Variants in PDE1C observed in about 807,000 individuals in gnomAD.
The protein encoded by PDE1C is phosphodiesterase 1C.
A neutral mutation model predicts 93.1 loss-of-function variants in PDE1C; 62 were observed. The ratio of observed to expected loss-of-function variants is 0.67; its 90% CI spans 0.54 to 0.82. The LOEUF (loss-of-function observed/expected upper bound fraction) is 0.82, where lower values mean the gene tolerates loss of function less well. PDE1C is among the 40% of genes least tolerant of loss of function. The pLI is 0.00. For missense variants in PDE1C, 742 were observed against 884.6 expected (o/e 0.84, Z 2.04); for synonymous variants, 325 against 310.1 (o/e 1.05, Z -0.50).
At position 32,256,695 on chromosome 7, in the gene PDE1C, G is replaced by T. The variant is rs532192882; in HGVS notation, c.85+41956C>A. ...AGTAGTGGGAGAATTACTGAATAGA[G>T]AGTAATGTGGCCTTGGGCAAGTCAC... is the stretch of plus-strand genomic sequence containing the variant. On this transcript the variant is annotated intron_variant, in intron 1 of 18. Coordinates refer to the PDE1C transcript ENST00000396193. 2.0e-5 allele frequency among the ~76,000 whole-genome samples: 3 copies of T among 152,316 alleles called. No individual in the cohort carries two copies. In the East Asian group the frequency reaches 5.8e-4, roughly 29 times the overall value.
At chr7:32,191,848 T>G (rs917378424) in intron 2 of PDE1C, among the ~76,000 whole-genome samples, 3 of 152,222 alleles carry the variant, frequency 2.0e-5, no homozygotes, top group Non-Finnish European at 4.4e-5. Flanking sequence ...TCAGTTTCTC[T>G]GCACCCTCAG....
chr7:31,739,597 G>A, the PDE1C span, among the ~76,000 whole-genome samples: 1 of 152,160 alleles, frequency 6.6e-6, no homozygotes, highest in African/African-American at 2.4e-5. Flanking sequence ...ATTTGTCCAA[G>A]GTCACACAGC....
intron 1 of PDE1C, among the ~76,000 whole-genome samples, chr7:32,310,200 A>C (rs1409241522): frequency 6.6e-6 from 1 of 151,944 alleles, no homozygotes; most frequent in Non-Finnish European, 1.5e-5. Flanking sequence ...AGAAGAGCTA[A>C]CTATCCTAAA....
At chr7:32,162,192 T>G (rs11978519) in intron 3 of PDE1C, among the ~76,000 whole-genome samples, 27,976 of 152,112 alleles carry the variant, frequency 0.18, 2,658 homozygotes, top group African/African-American at 0.23. Context: ...GCAATAAAAG[T>G]ACAAGATACT....
At chr7:32,357,597 G>A (rs767236185) in intron 1 of PDE1C, among the ~76,000 whole-genome samples, 11 of 152,172 alleles carry the variant, frequency 7.2e-5, no homozygotes, top group Non-Finnish European at 1.2e-4. Flanking sequence ...GGGCTAAACC[G>A]GGTGCCCAGC....
At chr7:32,344,687 AT>A (rs552629734) in intron 1 of PDE1C, among the ~76,000 whole-genome samples, 4 of 150,574 alleles carry the variant, frequency 2.7e-5, no homozygotes, top group South Asian at 2.1e-4. Context: ...AATCCCTGCT[AT>A]TTTTTTTTCC....
chr7:32,028,510 T>C (rs1438966181), intron 2 of PDE1C, among the ~76,000 whole-genome samples: 1 of 152,130 alleles, frequency 6.6e-6, no homozygotes, highest in African/African-American at 2.4e-5. Flanking sequence ...GTTATTATTA[T>C]TATTACTAAT....
intron 1 of PDE1C, among the ~76,000 whole-genome samples, chr7:32,237,083 CTTT>C (rs34122130): frequency 1.1e-4 from 14 of 121,908 alleles, no homozygotes; most frequent in Non-Finnish European, 1.7e-4. Context: ...ATGTAATATT[CTTT>C]TTTTTTTTTT....
intron 16 of PDE1C, among the ~76,000 whole-genome samples, chr7:31,800,168 T>C (rs1175993575): frequency 6.6e-6 from 1 of 151,606 alleles, no homozygotes; most frequent in Admixed American, 6.6e-5. Flanking sequence ...TGAATATCAG[T>C]TATTTAACAA....
chr7:31,675,766 A>T, the PDE1C span, among the ~76,000 whole-genome samples: 1 of 152,140 alleles, frequency 6.6e-6, no homozygotes, highest in South Asian at 2.1e-4. Flanking sequence ...TATAAAGAAA[A>T]GCTGTTGGAA....
At chr7:31,681,213 G>C in the PDE1C span, among the ~76,000 whole-genome samples, 449 of 152,310 alleles carry the variant, frequency 2.9e-3, 1 homozygote, top group Middle Eastern at 6.8e-3. Flanking sequence ...CATTCAGAAT[G>C]TGGCTGTACT....
At chr7:32,160,274 T>C (rs1193072171) in intron 3 of PDE1C, among the ~76,000 whole-genome samples, 2 of 152,186 alleles carry the variant, frequency 1.3e-5, no homozygotes, top group African/African-American at 4.8e-5. Context: ...GGTAAGTTCA[T>C]ATTTGACTTT....
chr7:32,385,228 C>G (rs980414193), intron 1 of PDE1C, among the ~76,000 whole-genome samples: 1 of 152,076 alleles, frequency 6.6e-6, no homozygotes, highest in Non-Finnish European at 1.5e-5. Context: ...TTTTGAGGCT[C>G]CTCTGAAATT....
chr7:31,753,661 C>A (rs890376878), intron 17 of PDE1C, 108 bp from the exon 18 acceptor site: 1 of 1,403,640 alleles, frequency 7.1e-7, no homozygotes, highest in Non-Finnish European at 9.4e-7. Flanking sequence ...TCCTCCAAGA[C>A]CAGGAAAGAA....
At chr7:32,097,676 G>A (rs145900235) in intron 3 of PDE1C, among the ~76,000 whole-genome samples, 7 of 152,254 alleles carry the variant, frequency 4.6e-5, no homozygotes, top group African/African-American at 1.7e-4. Context: ...CCTTGTTGGT[G>A]CATTTTAAAA....
chr7:31,993,254 T>G (rs552644399), intron 2 of PDE1C, among the ~76,000 whole-genome samples: 1 of 152,366 alleles, frequency 6.6e-6, no homozygotes, highest in South Asian at 2.1e-4. Flanking sequence ...TCATTCAGTA[T>G]GAATGTTTAG....
chr7:31,677,936 T>C, the PDE1C span, among the ~76,000 whole-genome samples: 2 of 152,266 alleles, frequency 1.3e-5, no homozygotes, highest in Admixed American at 6.5e-5. Context: ...TTTGATAAGA[T>C]AGCAGATTGT....
At chr7:31,749,744 TTTTTTTTA>T (rs1794082130), downstream of PDE1C, among the ~76,000 whole-genome samples, 1 of 146,092 alleles carries the variant, frequency 6.8e-6, no homozygotes, top group Non-Finnish European at 1.5e-5. Context: ...AATTTTTTTT[TTTTTTTTA>T]TTTGAGACAG....
chr7:32,033,465 T>A (rs1025728411), intron 2 of PDE1C, among the ~76,000 whole-genome samples: 4 of 152,106 alleles, frequency 2.6e-5, no homozygotes, highest in Non-Finnish European at 1.5e-5. Flanking sequence ...CTTCAGTCAG[T>A]ACCTTGGCAA....
Sources: gnomAD v4.1 joint callset for allele counts (sites outside exome capture counted in the v4.1 genomes callset) on GRCh38, gnomAD v4.1.1 for gene constraint, MANE v1.5 for transcripts, NCBI Gene and HGNC (gene_info 2026-07-23, HGNC 2026-07-21) for gene names.